Variants in SLC24A2 observed in about 807,000 individuals in gnomAD.
The protein encoded by SLC24A2 is solute carrier family 24 member 2, also known as sodium/potassium/calcium exchanger 2.
Under a neutral mutation model 62.0 loss-of-function variants are expected in SLC24A2, and 36 were observed. That is an observed-to-expected ratio of 0.58 (90% CI 0.44 to 0.77). The LOEUF is 0.77. SLC24A2 is among the 30% of genes least tolerant of loss of function. The pLI, the probability that SLC24A2 is intolerant of heterozygous loss-of-function variation, is 0.00. For synonymous variants in SLC24A2, 358 were observed against 294.0 expected, an observed-to-expected ratio of 1.22 and a Z score of -2.23; for missense variants, 846 against 817.9, an observed-to-expected ratio of 1.03 and a Z score of -0.42.
At chr9:20,219,620 C>A in the SLC24A2 span, among the ~76,000 whole-genome samples, 1 of 152,172 alleles carries the variant, frequency 6.6e-6, no homozygotes, top group Admixed American at 6.6e-5. Context: ...TCAACAGTAG[C>A]TCTTCCTCAG....
chr9:19,838,585 G>C, the SLC24A2 span, among the ~76,000 whole-genome samples: 2 of 151,564 alleles, frequency 1.3e-5, no homozygotes, highest in African/African-American at 4.9e-5. Flanking sequence ...GTTGCAGTGA[G>C]TCGAGACGGT....
At chr9:20,251,746 TA>T in the SLC24A2 span, among the ~76,000 whole-genome samples, 1 of 152,192 alleles carries the variant, frequency 6.6e-6, no homozygotes, top group Non-Finnish European at 1.5e-5. Context: ...AAACCTCTCC[TA>T]AGATGGTTCC....
intron 7 of SLC24A2, among the ~76,000 whole-genome samples, chr9:19,565,514 C>T (rs1345036948): frequency 6.6e-6 from 1 of 150,830 alleles, no homozygotes; most frequent in Non-Finnish European, 1.5e-5. Context: ...TAGGAAGAAT[C>T]AATATTGTGA....
At chr9:19,546,386 A>G (rs1834571418) in intron 8 of SLC24A2, among the ~76,000 whole-genome samples, 1 of 151,934 alleles carries the variant, frequency 6.6e-6, no homozygotes, top group Non-Finnish European at 1.5e-5. Flanking sequence ...TGCCCTTGCC[A>G]GAGAGGAGGA....
intron 10 of SLC24A2, among the ~76,000 whole-genome samples, chr9:19,520,333 C>G (rs1476625109): frequency 1.3e-5 from 2 of 152,164 alleles, no homozygotes; most frequent in African/African-American, 4.8e-5. Flanking sequence ...AGTGATTATT[C>G]ATACTGAGAG....
the SLC24A2 span, among the ~76,000 whole-genome samples, chr9:20,252,484 T>A: frequency 6.6e-6 from 1 of 152,196 alleles, no homozygotes; most frequent in Non-Finnish European, 1.5e-5. Context: ...GTCTTTCTAC[T>A]ACACCACGTG....
chr9:20,281,675 T>C, the SLC24A2 span, among the ~76,000 whole-genome samples: 3 of 152,220 alleles, frequency 2.0e-5, no homozygotes, highest in South Asian at 2.1e-4. Flanking sequence ...CATTGTTGTA[T>C]AGTATTTGAT....
At position 19,618,368 on chromosome 9, in the gene SLC24A2, A is replaced by C. The variant is rs984848683; in HGVS notation, c.1078+1216T>G. ...ATATTTAGGATGTCCCTGGCTAAGAATTACCTCTAGTAAACAGATCCCAGG... is the reference window on the plus strand; with the variant it reads ...ATATTTAGGATGTCCCTGGCTAAGACTTACCTCTAGTAAACAGATCCCAGG... On this transcript the variant is annotated intron_variant, in intron 4 of 10. Coordinates refer to ENST00000341998, the MANE Select transcript of SLC24A2 (RefSeq NM_020344.4). Among the ~76,000 whole-genome samples, 3 of 152,288 alleles carry C rather than the reference A, an allele frequency of 2.0e-5. No homozygotes were observed. The South Asian group carries it at 6.2e-4, about 32-fold the overall frequency.
At chr9:19,560,828 C>A (rs1004947793) in intron 7 of SLC24A2, among the ~76,000 whole-genome samples, 1 of 151,316 alleles carries the variant, frequency 6.6e-6, no homozygotes, top group African/African-American at 2.4e-5. Context: ...CTTTATTGAG[C>A]CATAGAAAGA....
At chr9:20,040,455 A>G in the SLC24A2 span, among the ~76,000 whole-genome samples, 2 of 152,192 alleles carry the variant, frequency 1.3e-5, no homozygotes, top group East Asian at 1.9e-4. Context: ...TGCTGTTGCT[A>G]GGACTTCTGA....
At chr9:19,940,280 G>A in the SLC24A2 span, among the ~76,000 whole-genome samples, 3 of 152,310 alleles carry the variant, frequency 2.0e-5, no homozygotes, top group East Asian at 5.8e-4. Context: ...AACAGAAGAG[G>A]CTTTTGCCAA....
At position 19,735,059 on chromosome 9, in the gene SLC24A2, C is replaced by G. The variant is rs538030547; in HGVS notation, c.930+50878G>C. Among the ~76,000 whole-genome samples, 13 of 152,110 alleles carry G rather than the reference C, an allele frequency of 8.5e-5. No individual in the cohort carries two copies. In the East Asian group the frequency reaches 2.5e-3, roughly 29 times the overall value. On this transcript the variant is annotated intron_variant, in intron 2 of 10. Coordinates refer to ENST00000341998, the MANE Select transcript of SLC24A2 (RefSeq NM_020344.4). ...TCTGCACAGCAAAAGAAACCACCAT[C>G]AGAGTGAACAGGCAACCTACAGAAT...
At chr9:19,554,002 C>T (rs1186551176) in intron 7 of SLC24A2, among the ~76,000 whole-genome samples, 2 of 152,126 alleles carry the variant, frequency 1.3e-5, no homozygotes, top group African/African-American at 4.8e-5. Context: ...CCACCAGTAC[C>T]TCAGAATGTG....
At chr9:20,141,969 G>A in the SLC24A2 span, among the ~76,000 whole-genome samples, 1 of 152,078 alleles carries the variant, frequency 6.6e-6, no homozygotes, top group Non-Finnish European at 1.5e-5. Context: ...TATAATCCCA[G>A]CTAACTGGGA....
the SLC24A2 span, among the ~76,000 whole-genome samples, chr9:20,237,634 C>T: frequency 6.6e-6 from 1 of 152,200 alleles, no homozygotes; most frequent in Admixed American, 6.5e-5. Context: ...TTTTGCTATT[C>T]ATGCTCAAGA....
At chr9:19,878,842 C>T in the SLC24A2 span, among the ~76,000 whole-genome samples, 40 of 152,262 alleles carry the variant, frequency 2.6e-4, no homozygotes, top group African/African-American at 9.6e-4. Flanking sequence ...TTCTCTATAG[C>T]AGTGCAAGAA....
the SLC24A2 span, chr9:19,926,580 A>C: frequency 6.6e-6 from 1 of 152,340 alleles, no homozygotes; most frequent in Non-Finnish European, 1.5e-5. Context: ...GGTATAAAAA[A>C]AAAAAAAGAA....
the SLC24A2 span, chr9:19,957,423 C>G: frequency 6.6e-6 from 1 of 152,218 alleles, no homozygotes; most frequent in African/African-American, 2.4e-5. Flanking sequence ...CTGTGGCAAT[C>G]GTTTCTGTCC....
chr9:20,181,936 C>A, the SLC24A2 span, among the ~76,000 whole-genome samples: 2 of 151,986 alleles, frequency 1.3e-5, no homozygotes, highest in Non-Finnish European at 2.9e-5. Context: ...AACAAATTTA[C>A]AAGAAAAAAC....
Sources: allele counts gnomAD v4.1 joint callset (sites outside exome capture counted in the v4.1 genomes callset), GRCh38; gene constraint gnomAD v4.1.1; transcripts MANE v1.5; gene names NCBI Gene and HGNC (gene_info 2026-07-23, HGNC 2026-07-21).